Variants in PXDNL observed in about 807,000 individuals in gnomAD.
PXDNL encodes the protein peroxidasin like.
Under a neutral mutation model 150.8 loss-of-function variants are expected in PXDNL, and 145 were observed. The ratio of observed to expected loss-of-function variants is 0.96; its 90% CI spans 0.84 to 1.10. PXDNL has a LOEUF of 1.10. PXDNL is among the 50% of genes least tolerant of loss of function. The pLI is 0.00. For missense variants in PXDNL, 2,087 were observed against 1,873.9 expected, an observed-to-expected ratio of 1.11 and a Z score of -2.10; for synonymous variants, 757 against 725.7, an observed-to-expected ratio of 1.04 and a Z score of -0.69.
At chr8:51,485,999 T>A (rs1340643748) in intron 5 of PXDNL, among the ~76,000 whole-genome samples, 1 of 152,154 alleles carries the variant, frequency 6.6e-6, no homozygotes, top group African/African-American at 2.4e-5. Flanking sequence ...ACCAGGACAA[T>A]TTATGCCTGC....
intron 3 of PXDNL, among the ~76,000 whole-genome samples, chr8:51,580,349 T>C (rs1403628315): frequency 2.6e-5 from 4 of 152,162 alleles, no homozygotes; most frequent in Non-Finnish European, 5.9e-5. Context: ...TTTCTTACAG[T>C]GGCATGTGAA....
intron 3 of PXDNL, among the ~76,000 whole-genome samples, chr8:51,573,134 T>C (rs1425029326): frequency 6.6e-6 from 1 of 152,014 alleles, no homozygotes; most frequent in Non-Finnish European, 1.5e-5. Context: ...AACTCTATTC[T>C]AGCCAAACAC....
At chr8:51,727,636 T>A (rs781033431) in intron 1 of PXDNL, among the ~76,000 whole-genome samples, 4 of 152,112 alleles carry the variant, frequency 2.6e-5, no homozygotes, top group Non-Finnish European at 4.4e-5. Flanking sequence ...GGCATTTTTT[T>A]ATAACTGACT....
chr8:51,380,479 A>C (rs1344678599), intron 17 of PXDNL, among the ~76,000 whole-genome samples: 1 of 151,222 alleles, frequency 6.6e-6, no homozygotes, highest in East Asian at 1.9e-4. Context: ...CTCTTTAATA[A>C]CTATCTGTAA....
chr8:51,732,015 T>C (rs1193891107), intron 1 of PXDNL, among the ~76,000 whole-genome samples: 1 of 152,234 alleles, frequency 6.6e-6, no homozygotes, highest in Non-Finnish European at 1.5e-5. Context: ...TCATTACTTA[T>C]GCAAATTTCT....
chr8:51,798,847 A>C (rs2037589304), intron 1 of PXDNL, among the ~76,000 whole-genome samples: 1 of 152,158 alleles, frequency 6.6e-6, no homozygotes, highest in Non-Finnish European at 1.5e-5. Context: ...TACCCAAAGG[A>C]ATATAAATCA....
Position 51,456,726 on chromosome 8 carries a change from C to T in PXDNL, c.982+772G>A, listed in dbSNP as rs1030538195. Among the ~76,000 whole-genome samples, 5 of 152,296 alleles carry T rather than the reference C, an allele frequency of 3.3e-5. 1 individual carries two copies. Among genetic ancestry groups the T allele is most frequent in the Non-Finnish European group, 7.3e-5 (5 of 68,034 alleles). ...TATGATGAACTTCTGTGCATCTCTT[C>T]CCAACTCCACATTCAGTGATATCAT... is the stretch of plus-strand genomic sequence containing the variant. On this transcript the variant is annotated intron_variant, in intron 9 of 22. Transcript: ENST00000356297.
intron 4 of PXDNL, among the ~76,000 whole-genome samples, chr8:51,520,078 A>G (rs1375168032): frequency 6.6e-6 from 1 of 152,164 alleles, no homozygotes. Context: ...TCCTCCAGGA[A>G]GGAGTTCACT....
At chr8:51,423,814 T>C in intron 13 of PXDNL, 83 bp from the exon 14 acceptor site, 1 of 1,299,900 alleles carries the variant, frequency 7.7e-7, no homozygotes, top group Non-Finnish European at 1.1e-6. Context: ...GTGGGTTCAT[T>C]TATTCAACAG....
chr8:51,512,028 T>C (rs1811432686), intron 4 of PXDNL, among the ~76,000 whole-genome samples: 2 of 152,200 alleles, frequency 1.3e-5, no homozygotes, highest in Non-Finnish European at 2.9e-5. Context: ...CATGATTTTA[T>C]GGCACTGTGG....
At chr8:51,709,684 A>T (rs1233760951) in intron 1 of PXDNL, among the ~76,000 whole-genome samples, 1 of 152,252 alleles carries the variant, frequency 6.6e-6, no homozygotes, top group Non-Finnish European at 1.5e-5. Flanking sequence ...GGATAAGTTA[A>T]TTATGGTACA....
intron 18 of PXDNL, among the ~76,000 whole-genome samples, chr8:51,372,292 T>G (rs976478007): frequency 6.6e-6 from 1 of 152,246 alleles, no homozygotes; most frequent in Non-Finnish European, 1.5e-5. Context: ...CACTTTCTAC[T>G]CAAGCTCTAC....
chr8:51,748,095 G>C (rs1371439809), intron 1 of PXDNL, among the ~76,000 whole-genome samples: 2 of 152,130 alleles, frequency 1.3e-5, no homozygotes, highest in Non-Finnish European at 2.9e-5. Context: ...TGAATAGTTT[G>C]GTAGTGTAGG....
intron 10 of PXDNL, 139 bp downstream of exon 10, chr8:51,453,380 T>C: frequency 1.0e-6 from 1 of 973,110 alleles, no homozygotes; most frequent in Non-Finnish European, 1.5e-6. Flanking sequence ...AGATTAGCTT[T>C]GAAAATCTTA....
chr8:51,377,038 A>G (rs1454001549), intron 17 of PXDNL, among the ~76,000 whole-genome samples: 1 of 151,312 alleles, frequency 6.6e-6, no homozygotes, highest in Non-Finnish European at 1.5e-5. Context: ...TAAGTGCTAG[A>G]GCATCCTTAA....
At chr8:51,569,570 A>G (rs1025508156) in intron 3 of PXDNL, among the ~76,000 whole-genome samples, 1 of 151,990 alleles carries the variant, frequency 6.6e-6, no homozygotes, top group Non-Finnish European at 1.5e-5. Context: ...TTCAAAAAGG[A>G]TTAGGAATTT....
intron 2 of PXDNL, among the ~76,000 whole-genome samples, chr8:51,608,406 A>T (rs1471769892): frequency 6.8e-6 from 1 of 147,132 alleles, no homozygotes; most frequent in Non-Finnish European, 1.5e-5. Context: ...AAAAAAAAGA[A>T]AGAAAGGAAG....
intron 5 of PXDNL, among the ~76,000 whole-genome samples, chr8:51,493,665 G>A (rs192055197): frequency 3.3e-5 from 5 of 152,290 alleles, no homozygotes; most frequent in Non-Finnish European, 5.9e-5. Flanking sequence ...TTGATCATGT[G>A]GAAGAAACTG....
intron 17 of PXDNL, among the ~76,000 whole-genome samples, chr8:51,406,191 C>T (rs1808431507): frequency 6.6e-6 from 1 of 152,222 alleles, no homozygotes; most frequent in African/African-American, 2.4e-5. Context: ...TACAAGTTAG[C>T]TGCCAATTGA....
Sources: gnomAD v4.1 joint callset for allele counts (sites outside exome capture counted in the v4.1 genomes callset) on GRCh38, gnomAD v4.1.1 for gene constraint, MANE v1.5 for transcripts, NCBI Gene and HGNC (gene_info 2026-07-23, HGNC 2026-07-21) for gene names.